LIPH: variants seen among roughly 807,000 people sequenced by gnomAD.
LIPH encodes the protein lipase H.
Under a neutral mutation model 47.6 loss-of-function variants are expected in LIPH, and 32 were observed. That is an observed-to-expected ratio of 0.67 (90% CI 0.51 to 0.90). The LOEUF is 0.90. Among genes scored for constraint, LIPH ranks in the 40% least tolerant of loss-of-function variants. LIPH has a pLI of 0.00. For synonymous variants in LIPH, 190 were observed against 195.6 expected (o/e 0.97, Z 0.24); for missense variants, 497 against 541.4 (o/e 0.92, Z 0.81).
Position 185,508,038 on chromosome 3 carries a change from A to G in LIPH, c.*752T>C, listed in dbSNP as rs949073144. On this transcript the variant is annotated 3_prime_UTR_variant, in exon 10 of 10. Coordinates refer to ENST00000296252, the MANE Select transcript of LIPH (RefSeq NM_139248.3). ...CCTCGTCCTTCTTTCTTCATCCACT[A>G]TCTAGTCCCAGCAGCCGCCCTCTTA... 1 of 152,174 alleles carries G rather than the reference A, an allele frequency of 6.6e-6. No homozygotes were observed. Among genetic ancestry groups the G allele is most frequent in the Non-Finnish European group, 1.5e-5 (1 of 68,228 alleles). The allele number at this position is 152,174 out of a possible 1,614,324, so 9.4% of individuals were successfully genotyped here.
rs188031782 is a variant in LIPH, at chr3:185,550,908, G to A, written c.49+1515C>T. Among the ~76,000 whole-genome samples the A allele has an allele frequency of 3.5e-3, 527 of 152,188 alleles. 3 individuals are homozygous for A. The highest frequency in any genetic ancestry group is 0.012 in the African/African-American group (500 of 41,528). On this transcript the variant is annotated intron_variant, in intron 1 of 9. Transcript: ENST00000296252. The stretch of plus-strand genomic sequence containing the variant: ...TTTAATTTAAAAATGATAATAGGCC[G>A]GGCGCGGTGGCTCACACCTGTAATC...
chr3:185,513,615 C>T (rs1719636543), intron 8 of LIPH, among the ~76,000 whole-genome samples: 1 of 152,184 alleles, frequency 6.6e-6, no homozygotes, highest in African/African-American at 2.4e-5. Context: ...GAGTCTCAGA[C>T]ATTTGCACAC....
intron 8 of LIPH, among the ~76,000 whole-genome samples, chr3:185,513,021 G>T (rs1484935780): frequency 6.6e-6 from 1 of 152,086 alleles, no homozygotes; most frequent in Non-Finnish European, 1.5e-5. Flanking sequence ...CTGGAAACCC[G>T]TGTGCCAGAA....
intron 6 of LIPH, among the ~76,000 whole-genome samples, 161 bp from the exon 7 acceptor site, chr3:185,517,323 C>T (rs1215371160): frequency 6.6e-6 from 1 of 152,228 alleles, no homozygotes; most frequent in Admixed American, 6.5e-5. Context: ...GGTGACCCAT[C>T]TTGCTGGCCA....
intron 1 of LIPH, among the ~76,000 whole-genome samples, chr3:185,536,562 T>C (rs1720507223): frequency 6.6e-6 from 1 of 152,214 alleles, no homozygotes; most frequent in African/African-American, 2.4e-5. Context: ...CCATCTTTAA[T>C]AACCTGAGTC....
At chr3:185,545,401 T>C (rs1409440796) in intron 1 of LIPH, among the ~76,000 whole-genome samples, 1 of 152,262 alleles carries the variant, frequency 6.6e-6, no homozygotes, top group African/African-American at 2.4e-5. Flanking sequence ...GTGCCTGAGA[T>C]GTTTTCTTGC....
At chr3:185,540,250 T>A (rs1027071829) in intron 1 of LIPH, among the ~76,000 whole-genome samples, 10 of 152,230 alleles carry the variant, frequency 6.6e-5, no homozygotes, top group Non-Finnish European at 1.5e-4. Flanking sequence ...TCGGCAATGC[T>A]ATGTTTTCCA....
At chr3:185,528,642 C>A (rs1720203657) in intron 3 of LIPH, among the ~76,000 whole-genome samples, 1 of 152,122 alleles carries the variant, frequency 6.6e-6, no homozygotes, top group Non-Finnish European at 1.5e-5. Context: ...GCAAGCTCGG[C>A]AGGAGAGGGC....
intron 1 of LIPH, among the ~76,000 whole-genome samples, chr3:185,548,702 G>A (rs553013373): frequency 2.0e-4 from 31 of 152,188 alleles, no homozygotes; most frequent in African/African-American, 7.0e-4. Flanking sequence ...ACTCTAGCCT[G>A]GGCGAGACAG....
intron 5 of LIPH, among the ~76,000 whole-genome samples, chr3:185,522,335 G>T (rs182115752): frequency 3.3e-5 from 5 of 152,252 alleles, no homozygotes; most frequent in East Asian, 3.9e-4. Flanking sequence ...TGCCGTAAGG[G>T]TCATTCTCAG....
intron 1 of LIPH, among the ~76,000 whole-genome samples, chr3:185,537,430 G>C (rs1720535850): frequency 6.6e-6 from 1 of 152,074 alleles, no homozygotes; most frequent in African/African-American, 2.4e-5. Flanking sequence ...AGGCGTGCTC[G>C]TGATTAAGTA....
intron 1 of LIPH, among the ~76,000 whole-genome samples, chr3:185,546,285 G>A (rs898602666): frequency 1.3e-5 from 2 of 151,332 alleles, no homozygotes; most frequent in Non-Finnish European, 2.9e-5. Flanking sequence ...CCAGCAGGTG[G>A]CAGTTGTGGT....
At chr3:185,536,395 G>A (rs1720503731) in intron 1 of LIPH, among the ~76,000 whole-genome samples, 1 of 152,178 alleles carries the variant, frequency 6.6e-6, no homozygotes, top group Admixed American at 6.6e-5. Flanking sequence ...GCCAACAGAA[G>A]ACAAGAGTGC....
At chr3:185,550,934 C>G (rs1577695938) in intron 1 of LIPH, among the ~76,000 whole-genome samples, 1 of 152,072 alleles carries the variant, frequency 6.6e-6, no homozygotes, top group South Asian at 2.1e-4. Flanking sequence ...ACCTGTAATC[C>G]CAGACTTTGG....
At chr3:185,546,332 G>A (rs557909424) in intron 1 of LIPH, among the ~76,000 whole-genome samples, 3 of 138,834 alleles carry the variant, frequency 2.2e-5, no homozygotes, top group Admixed American at 7.9e-5. Flanking sequence ...TAGCCTGGAC[G>A]ACAGAGTAAG....
At chr3:185,517,610 T>G (rs1049729875) in intron 6 of LIPH, among the ~76,000 whole-genome samples, 2 of 152,180 alleles carry the variant, frequency 1.3e-5, no homozygotes, top group African/African-American at 2.4e-5. Context: ...CATGACTGAC[T>G]GTGTCACTAA....
intron 1 of LIPH, among the ~76,000 whole-genome samples, chr3:185,538,961 A>G (rs1720614681): frequency 6.8e-6 from 1 of 147,846 alleles, no homozygotes; most frequent in African/African-American, 2.5e-5. Context: ...ATATACACAT[A>G]TATATATTTT....
At chr3:185,552,138 T>C (rs947542454) in intron 1 of LIPH, among the ~76,000 whole-genome samples, 8 of 151,858 alleles carry the variant, frequency 5.3e-5, no homozygotes, top group Admixed American at 3.3e-4. Flanking sequence ...TTTTTCAGCA[T>C]ATTTGATTGT....
At chr3:185,539,624 G>C (rs1720639430) in intron 1 of LIPH, among the ~76,000 whole-genome samples, 1 of 152,122 alleles carries the variant, frequency 6.6e-6, no homozygotes, top group African/African-American at 2.4e-5. Context: ...ACCCGCCTCA[G>C]CCTCCCAAAG....
Sources: allele counts gnomAD v4.1 joint callset (sites outside exome capture counted in the v4.1 genomes callset), GRCh38; gene constraint gnomAD v4.1.1; transcripts MANE v1.5; gene names NCBI Gene and HGNC (gene_info 2026-07-23, HGNC 2026-07-21).